Variants in GPM6A observed in about 807,000 individuals in gnomAD.
The protein encoded by GPM6A is glycoprotein M6A.
Under a neutral mutation model 32.1 loss-of-function variants are expected in GPM6A, and 7 were observed. That is an observed-to-expected ratio of 0.22 (90% confidence interval 0.12 to 0.41). The LOEUF is 0.41. GPM6A is among the 10% of genes least tolerant of loss of function. The pLI, the probability that GPM6A is intolerant of heterozygous loss-of-function variation, is 1.00. For synonymous variants in GPM6A, 130 were observed against 123.4 expected (o/e 1.05, Z -0.35); for missense variants, 235 against 347.2 (o/e 0.68, Z 2.57).
upstream of GPM6A, among the ~76,000 whole-genome samples, chr4:175,815,266 C>T (rs931976257): frequency 3.9e-5 from 6 of 152,134 alleles, no homozygotes; most frequent in Admixed American, 1.3e-4. Context: ...CCACCCACCT[C>T]GGCCTCCCAG....
chr4:175,965,938 T>C (rs1457446156), intron 1 of GPM6A, among the ~76,000 whole-genome samples: 1 of 152,120 alleles, frequency 6.6e-6, no homozygotes, highest in African/African-American at 2.4e-5. Context: ...GTTGAATCCA[T>C]AGACATTTAA....
chr4:175,863,177 T>C (rs1352267781), intron 1 of GPM6A, among the ~76,000 whole-genome samples: 1 of 152,188 alleles, frequency 6.6e-6, no homozygotes, highest in Non-Finnish European at 1.5e-5. Flanking sequence ...ATCACCACAC[T>C]ATAGATAACA....
chr4:175,877,989 G>A (rs1737140012), intron 1 of GPM6A, among the ~76,000 whole-genome samples: 1 of 152,158 alleles, frequency 6.6e-6, no homozygotes, highest in Non-Finnish European at 1.5e-5. Flanking sequence ...AAAAAAGGGG[G>A]CTACAGGCCC....
rs187971517 is a variant in GPM6A at position 175,721,268 on chromosome 4, G to A, written c.38-19501C>T. On this transcript the variant is annotated intron_variant, in intron 1 of 6. Coordinates refer to ENST00000393658, the MANE Select transcript of GPM6A (RefSeq NM_201591.3). Reference sequence around the variant, plus strand: ...AAGTGGGCGGATCATCTGAGGTCAGGAGATCGAGACCAGCCTGGTCAACAT... The same window carrying A: ...AAGTGGGCGGATCATCTGAGGTCAGAAGATCGAGACCAGCCTGGTCAACAT... 1.6e-3 allele frequency among the ~76,000 whole-genome samples: 240 copies of A among 151,068 alleles called. 1 individual carries two copies. Among genetic ancestry groups the A allele is most frequent in the African/African-American group, 5.3e-3 (219 of 41,308 alleles).
chr4:175,879,302 G>A (rs1404290157), intron 1 of GPM6A, among the ~76,000 whole-genome samples: 1 of 152,106 alleles, frequency 6.6e-6, no homozygotes, highest in Non-Finnish European at 1.5e-5. Flanking sequence ...TAACTTCACA[G>A]CAGCACCCCA....
At chr4:175,732,290 GT>G (rs1731468566) in intron 1 of GPM6A, among the ~76,000 whole-genome samples, 1 of 151,746 alleles carries the variant, frequency 6.6e-6, no homozygotes, top group Non-Finnish European at 1.5e-5. Flanking sequence ...TTGTTCAAGC[GT>G]TATTGCTACA....
At chr4:175,929,856 G>T (rs866807090) in intron 1 of GPM6A, among the ~76,000 whole-genome samples, 1 of 152,122 alleles carries the variant, frequency 6.6e-6, no homozygotes, top group Non-Finnish European at 1.5e-5. Flanking sequence ...CAAAGAAGGA[G>T]GATGATGAAG....
chr4:175,717,769 G>T (rs1448315008), intron 1 of GPM6A, among the ~76,000 whole-genome samples: 2 of 152,068 alleles, frequency 1.3e-5, no homozygotes, highest in Admixed American at 6.6e-5. Flanking sequence ...TTCATGTTTT[G>T]TTCTTGGTTA....
At chr4:175,790,219 G>A (rs1733958870) in intron 1 of GPM6A, 1 of 152,080 alleles carries the variant, frequency 6.6e-6, no homozygotes, top group African/African-American at 2.4e-5. Flanking sequence ...CAGCTTCTGA[G>A]AAGCCCAGGT....
chr4:175,729,336 G>A (rs1731313738), intron 1 of GPM6A, among the ~76,000 whole-genome samples: 2 of 152,072 alleles, frequency 1.3e-5, no homozygotes, highest in Admixed American at 1.3e-4. Flanking sequence ...AGATTAGAAT[G>A]CCCCTCTCTC....
At chr4:175,950,937 A>G (rs942259230) in intron 1 of GPM6A, among the ~76,000 whole-genome samples, 1 of 152,224 alleles carries the variant, frequency 6.6e-6, no homozygotes, top group Non-Finnish European at 1.5e-5. Context: ...TTACAGGAGC[A>G]GAGATAATAC....
chr4:175,858,228 A>G (rs1191013340), intron 1 of GPM6A, among the ~76,000 whole-genome samples: 7 of 152,184 alleles, frequency 4.6e-5, no homozygotes, highest in African/African-American at 7.2e-5. Context: ...ATCGCTACAC[A>G]CTTATTAGAA....
intron 1 of GPM6A, among the ~76,000 whole-genome samples, chr4:175,905,997 C>G (rs891327271): frequency 6.6e-6 from 1 of 152,120 alleles, no homozygotes; most frequent in Non-Finnish European, 1.5e-5. Flanking sequence ...AACAGAATAA[C>G]ATTGCAGCAG....
intron 1 of GPM6A, among the ~76,000 whole-genome samples, chr4:175,855,368 A>G (rs1227340844): frequency 6.6e-6 from 1 of 152,258 alleles, no homozygotes; most frequent in East Asian, 1.9e-4. Flanking sequence ...AAACAGTACA[A>G]CAAATGTATG....
chr4:175,942,893 A>G (rs1446000924), intron 1 of GPM6A, among the ~76,000 whole-genome samples: 1 of 152,026 alleles, frequency 6.6e-6, no homozygotes, highest in Non-Finnish European at 1.5e-5. Flanking sequence ...AATTTAAAGT[A>G]GTTTTTTTTT....
intron 6 of GPM6A, among the ~76,000 whole-genome samples, chr4:175,637,681 AT>A (rs1740845488): frequency 3.5e-3 from 5 of 1,432 alleles, no homozygotes; most frequent in South Asian, 0.027. Context: ...TATAATATAT[AT>A]ATAATATATA....
intron 1 of GPM6A, among the ~76,000 whole-genome samples, chr4:175,765,307 T>C (rs1013679281): frequency 6.6e-6 from 1 of 152,172 alleles, no homozygotes; most frequent in Non-Finnish European, 1.5e-5. Flanking sequence ...CAAACCACCA[T>C]TTTACTTGGA....
At chr4:175,934,413 C>T (rs1285506755) in intron 1 of GPM6A, among the ~76,000 whole-genome samples, 3 of 152,086 alleles carry the variant, frequency 2.0e-5, no homozygotes, top group East Asian at 1.9e-4. Flanking sequence ...TGGTTAAAAA[C>T]GAAATCATTT....
At chr4:175,669,525 A>T (rs1393294038) in intron 3 of GPM6A, among the ~76,000 whole-genome samples, 1 of 152,208 alleles carries the variant, frequency 6.6e-6, no homozygotes, top group African/African-American at 2.4e-5. Flanking sequence ...ACGCTCAAAA[A>T]GTTTCACATT....
Sources: allele counts gnomAD v4.1 joint callset (sites outside exome capture counted in the v4.1 genomes callset), GRCh38; gene constraint gnomAD v4.1.1; transcripts MANE v1.5; gene names NCBI Gene and HGNC (gene_info 2026-07-23, HGNC 2026-07-21).